The following ARID2 variants were observed in gnomAD, a reference collection of about 807,000 sequenced individuals.
ARID2 encodes AT-rich interactive domain-containing protein 2.
A neutral mutation model predicts 184.6 loss-of-function variants in ARID2; 32 were observed. The ratio of observed to expected loss-of-function variants is 0.17; its 90% CI spans 0.13 to 0.23. The LOEUF is 0.23. Among genes scored for constraint, ARID2 ranks in the 10% least tolerant of loss-of-function variants. ARID2 has a pLI of 1.00. For synonymous variants in ARID2, 836 were observed against 772.6 expected, an observed-to-expected ratio of 1.08 and a Z score of -1.36; for missense variants, 1,696 against 2,197.6, an observed-to-expected ratio of 0.77 and a Z score of 4.56.
chr12:45,853,663 C>T (rs1185381909), intron 15 of ARID2, among the ~76,000 whole-genome samples: 1 of 152,228 alleles, frequency 6.6e-6, no homozygotes, highest in Non-Finnish European at 1.5e-5. Flanking sequence ...GTCGTCACCA[C>T]CTGTTTCCTG....
chr12:45,847,993 C>T (rs1407222539), intron 12 of ARID2, among the ~76,000 whole-genome samples: 1 of 151,992 alleles, frequency 6.6e-6, no homozygotes, highest in Non-Finnish European at 1.5e-5. Flanking sequence ...GGAAAGAATA[C>T]ACACCATAAC....
At chr12:45,812,331 A>T (rs1942725034) in intron 4 of ARID2, among the ~76,000 whole-genome samples, 1 of 152,052 alleles carries the variant, frequency 6.6e-6, no homozygotes, top group South Asian at 2.1e-4. Flanking sequence ...GGTTATCCTT[A>T]GATTTATACT....
chr12:45,842,491 G>A (rs892535991), intron 11 of ARID2, among the ~76,000 whole-genome samples: 4 of 151,902 alleles, frequency 2.6e-5, no homozygotes, highest in African/African-American at 9.7e-5. Flanking sequence ...GGGCACAGTG[G>A]CTCATGCCTA....
intron 11 of ARID2, among the ~76,000 whole-genome samples, chr12:45,845,409 A>G (rs181678580): frequency 1.3e-5 from 2 of 152,248 alleles, no homozygotes; most frequent in Non-Finnish European, 2.9e-5. Flanking sequence ...ATATAATAGT[A>G]TGGCCTCTAA....
Position 45,876,567 on chromosome 12 carries a change from A to AG in ARID2, c.4923-15211dup, listed in dbSNP as rs1944012331. The stretch of plus-strand genomic sequence containing the variant: ...ACTCCATCTCAAAAAAAGAAAAAAA[A>AG]GGAAAAAAAAAAAAAGACACAGAAC... On this transcript the variant is annotated intron_variant, in intron 16 of 20. Transcript: ENST00000334344. 1.2e-4 allele frequency among the ~76,000 whole-genome samples: 16 copies of AG among 134,866 alleles called. 1 individual carries two copies. In the South Asian group the frequency reaches 3.8e-3, roughly 32 times the overall value. 88.5% of individuals were successfully genotyped at this position (134,866 alleles called of 152,430 possible).
intron 15 of ARID2, among the ~76,000 whole-genome samples, chr12:45,854,983 A>G (rs942130421): frequency 6.6e-6 from 1 of 152,238 alleles, no homozygotes; most frequent in Admixed American, 6.5e-5. Flanking sequence ...TCTGAAACCA[A>G]AACTCATGCT....
At chr12:45,806,535 T>C (rs1020752610) in intron 3 of ARID2, among the ~76,000 whole-genome samples, 4 of 152,170 alleles carry the variant, frequency 2.6e-5, no homozygotes, top group African/African-American at 7.2e-5. Flanking sequence ...TTCATTTTTG[T>C]CCACCACTTA....
chr12:45,761,082 G>T (rs1941669542), intron 3 of ARID2, among the ~76,000 whole-genome samples: 1 of 152,064 alleles, frequency 6.6e-6, no homozygotes, highest in Non-Finnish European at 1.5e-5. Context: ...TAACCTATTA[G>T]AATTTAATGT....
Position 45,851,314 on chromosome 12 carries a change from T to G in ARID2, c.3191T>G (p.Leu1064Arg). ...SGESSLIKQLLLPKRGPSTPG... is the reference protein window; with the variant it reads ...SGESSLIKQLRLPKRGPSTPG... ...GAGTCGAGTCTGATTAAACAGCTTC[T>G]GCTTCCGAAACGTGGTCCTTCAACA... Residue 1064 changes from leucine to arginine, a missense_variant, in exon 15 of 21, where the codon CTG (leucine) becomes CGG (arginine). Around this residue, in one of 11 missense-constraint regions of ARID2, gnomAD observed 713 missense variants for 824.4 expected, o/e 0.86. Coordinates refer to ENST00000334344, the MANE Select transcript of ARID2 (RefSeq NM_152641.4). 6.2e-7 allele frequency: 1 copy of G among 1,614,174 alleles called. No individual in the cohort carries two copies. The highest frequency in any genetic ancestry group is 8.5e-7 in the Non-Finnish European group (1 of 1,180,020).
chr12:45,778,547 A>G (rs779523613), intron 3 of ARID2, among the ~76,000 whole-genome samples: 6 of 152,150 alleles, frequency 3.9e-5, no homozygotes, highest in African/African-American at 7.2e-5. Flanking sequence ...GAAAAAGACT[A>G]TAGGTCCTAG....
intron 16 of ARID2, 133 bp from the exon 17 acceptor site, chr12:45,891,647 T>C (rs1944303266): frequency 3.3e-6 from 3 of 900,948 alleles, no homozygotes; most frequent in Admixed American, 5.9e-5. Context: ...GAATAAGGGA[T>C]GTTAAAACAA....
At chr12:45,869,578 G>T (rs1429908530) in intron 16 of ARID2, among the ~76,000 whole-genome samples, 1 of 151,618 alleles carries the variant, frequency 6.6e-6, no homozygotes, top group Non-Finnish European at 1.5e-5. Flanking sequence ...TTCATATTTT[G>T]TCTTATCCAA....
chr12:45,864,299 A>T (rs1160419096), intron 16 of ARID2, among the ~76,000 whole-genome samples: 1 of 152,044 alleles, frequency 6.6e-6, no homozygotes, highest in Non-Finnish European at 1.5e-5. Flanking sequence ...ATATACCACC[A>T]CCACCACCAT....
chr12:45,820,874 CAA>C (rs1942883248), intron 5 of ARID2, among the ~76,000 whole-genome samples: 2 of 152,046 alleles, frequency 1.3e-5, no homozygotes, highest in Non-Finnish European at 2.9e-5. Context: ...TTTGACTTTT[CAA>C]AAGTCATAAA....
chr12:45,796,743 C>T (rs748721877), intron 3 of ARID2, among the ~76,000 whole-genome samples: 15 of 152,100 alleles, frequency 9.9e-5, no homozygotes, highest in Admixed American at 2.0e-4. Context: ...GAACTCCTAA[C>T]CTTAAGTGAT....
At position 45,851,703 on chromosome 12, in the gene ARID2, C is replaced by G. The variant is rs2138173074; in HGVS notation, c.3580C>G (p.Gln1194Glu). The G allele has an allele frequency of 6.2e-7, 1 of 1,614,136 alleles. No homozygotes were observed. The highest frequency in any genetic ancestry group is 8.5e-7 in the Non-Finnish European group (1 of 1,180,010). ...PATVSQGNAT[Q>E]LIAPAGITMS... is the part of the protein sequence containing the mutation. ...AACTGTGAGTCAGGGAAATGCAACT[C>G]AGCTCATTGCTCCAGCAGGAATTAC... is the stretch of plus-strand genomic sequence containing the variant. Residue 1194 changes from glutamine to glutamate, a missense_variant, in exon 15 of 21, where the codon CAG (glutamine) becomes GAG (glutamate). Gln to Glu is a conservative substitution (Grantham distance 29, BLOSUM62 2). Around this residue, in one of 11 missense-constraint regions of ARID2, gnomAD observed 428 missense variants for 409.1 expected, o/e 1.05. Transcript: ENST00000334344.
At chr12:45,854,229 T>C (rs1235544747) in intron 15 of ARID2, among the ~76,000 whole-genome samples, 1 of 152,212 alleles carries the variant, frequency 6.6e-6, no homozygotes. Flanking sequence ...CCAATGATTC[T>C]ACATTATGGC....
In ARID2 at chr12:45,850,710, T is replaced by C; in HGVS notation, c.2587T>C (p.Ser863Pro). Residue 863 changes from serine (S) to proline (P), a missense_variant, in exon 15 of 21, where the codon TCA becomes CCA. Ser to Pro is a moderately conservative substitution (Grantham distance 74). Around this residue, in one of 11 missense-constraint regions of ARID2, gnomAD observed 713 missense variants for 824.4 expected, o/e 0.86. Transcript: ENST00000334344. ...YVTTSASNIV[S>P]ATSVQNFQVA... ...AACAACTTCTGCATCCAATATTGTC[T>C]CAGCAACTTCAGTACAGAATTTTCA... is the stretch of plus-strand genomic sequence containing the variant. 1 of 1,614,098 alleles carries C rather than the reference T, an allele frequency of 6.2e-7. No individual in the cohort carries two copies. Among genetic ancestry groups the C allele is most frequent in the Non-Finnish European group, 8.5e-7 (1 of 1,179,962 alleles).
At chr12:45,862,976 C>T (rs1184705596) in intron 16 of ARID2, among the ~76,000 whole-genome samples, 5 of 151,976 alleles carry the variant, frequency 3.3e-5, no homozygotes, top group Non-Finnish European at 7.4e-5. Flanking sequence ...GCATCCTCTA[C>T]GAGGGTGCAT....
Sources: gnomAD v4.1 joint callset for allele counts (sites outside exome capture counted in the v4.1 genomes callset) on GRCh38, gnomAD v4.1.1 for gene constraint, gnomAD v4.1.1 regional missense constraint, MANE v1.5 for transcripts, NCBI Gene and HGNC (gene_info 2026-07-23, HGNC 2026-07-21) for gene names.